TTLL6: variants seen among roughly 807,000 people sequenced by gnomAD.
TTLL6 encodes the protein tubulin tyrosine ligase like 6, also known as tubulin polyglutamylase TTLL6.
Under a neutral mutation model 96.4 loss-of-function variants are expected in TTLL6, and 75 were observed. That is an observed-to-expected ratio of 0.78 (90% CI 0.65 to 0.94). The LOEUF is 0.94. TTLL6 is among the 40% of genes least tolerant of loss of function. The pLI is 0.00. For missense variants in TTLL6, 1,030 were observed against 1,093.0 expected (o/e 0.94, Z 0.81); for synonymous variants, 411 against 419.4 (o/e 0.98, Z 0.24).
In TTLL6 at chr17:48,817,022, A is replaced by C. The variant is rs373975003; in HGVS notation, c.51T>G (p.Val17=). Residue 17 remains valine, a synonymous_variant, in exon 1 of 16, where the codon GTT becomes GTG. Transcript: ENST00000393382. ...CCGCTGGGCTGCTAGTCCAGCTTGC[A>C]ACCACACCTGCCGGCCCCCTCCTCG... is the stretch of plus-strand genomic sequence containing the variant. ...HPSRRGPAGV[V]ASWTSSPAGR... 8.2e-5 allele frequency: 127 copies of C among 1,544,234 alleles called. No individual in the cohort carries two copies. In the African/African-American group the frequency reaches 1.3e-3, roughly 16 times the overall value.
At chr17:48,791,324 G>T in intron 9 of TTLL6, 54 bp downstream of exon 9, 4 of 1,499,064 alleles carry the variant, frequency 2.7e-6, no homozygotes, top group South Asian at 1.2e-5. Flanking sequence ...TCCTTGAAGC[G>T]GGCTGGCCCC....
At chr17:48,771,013 C>T (rs926235584) in intron 13 of TTLL6, among the ~76,000 whole-genome samples, 4 of 152,168 alleles carry the variant, frequency 2.6e-5, no homozygotes, top group Non-Finnish European at 5.9e-5. Context: ...AGATCTGCAG[C>T]TTTGCAGCTT....
At chr17:48,785,712 A>G (rs763935533) in intron 12 of TTLL6, among the ~76,000 whole-genome samples, 1 of 152,090 alleles carries the variant, frequency 6.6e-6, no homozygotes, top group Non-Finnish European at 1.5e-5. Flanking sequence ...CCCAGCCATG[A>G]CCGACATCCC....
chr17:48,801,770 G>C (rs2039419853), intron 3 of TTLL6, 127 bp from the exon 4 acceptor site: 2 of 680,920 alleles, frequency 2.9e-6, no homozygotes, highest in Non-Finnish European at 5.0e-6. Flanking sequence ...GAGACTGGAA[G>C]CCATCTTGCC....
At chr17:48,801,229 G>C (rs1176610828) in intron 5 of TTLL6, 26 bp downstream of exon 5, 1 of 1,544,810 alleles carries the variant, frequency 6.5e-7, no homozygotes, top group Non-Finnish European at 8.8e-7. Context: ...GAGTGGAGAA[G>C]GAAGTACAGG....
chr17:48,794,920 C>T (rs1244118396), intron 8 of TTLL6, among the ~76,000 whole-genome samples: 1 of 152,182 alleles, frequency 6.6e-6, no homozygotes, highest in African/African-American at 2.4e-5. Flanking sequence ...GGGCAACTCA[C>T]GCAACCTCTG....
In TTLL6 at chr17:48,769,337, G is replaced by A. The variant is rs960129071; in HGVS notation, c.2411-83C>T. ...CCTGGTGAAGACCACCTCCCAGTAG[G>A]GTCCCATGGCCTGTAACTGCCATTC... On this transcript the variant is annotated intron_variant, in intron 14 of 15. Coordinates refer to ENST00000393382, the MANE Select transcript of TTLL6 (RefSeq NM_001130918.3). 5 of 1,476,578 alleles carry A rather than the reference G, an allele frequency of 3.4e-6. No homozygotes were observed. The Admixed American group carries it at 1.1e-4, about 33-fold the overall frequency. 91.5% of individuals were successfully genotyped at this position (1,476,578 alleles called of 1,614,324 possible).
Position 48,799,673 on chromosome 17 carries a change from T to C in TTLL6, c.699A>G (p.Ile233Met), listed in dbSNP as rs1377690530. 6.4e-7 allele frequency: 1 copy of C among 1,551,898 alleles called. No homozygotes were observed. Among genetic ancestry groups the C allele is most frequent in the Non-Finnish European group, 8.7e-7 (1 of 1,147,018 alleles). Residue 233 changes from isoleucine to methionine, a missense_variant, in exon 6 of 16, where the codon ATA (isoleucine) becomes ATG (methionine). Ile to Met is a conservative substitution (Grantham distance 10). Transcript: ENST00000393382. Reference protein sequence around the residue: ...KPDSGCQGKGIFITRTVKEIK... With the variant: ...KPDSGCQGKGMFITRTVKEIK... Reference sequence around the variant, plus strand: ...TTTCTTTCACTGTCCGGGTGATGAATATACCTTTCCCTTGGCAGCCCGAAT... The same window carrying C: ...TTTCTTTCACTGTCCGGGTGATGAACATACCTTTCCCTTGGCAGCCCGAAT...
At chr17:48,779,353 C>CAA (rs35763170) in intron 13 of TTLL6, among the ~76,000 whole-genome samples, 15,287 of 45,690 alleles carry the variant, frequency 0.33, 3,266 homozygotes, top group Admixed American at 0.37. Context: ...GACTCTGTCT[C>CAA]AAAAAAAAAA....
chr17:48,791,378 C>A lies in TTLL6; in HGVS notation c.1224G>T (p.Glu408Asp). The change falls in exon 9 of 16, where the codon GAG becomes GAT. Residue 408 changes from glutamate to aspartate, a missense_variant and splice_region_variant. Glu to Asp is a conservative substitution (Grantham distance 45). Coordinates refer to ENST00000393382, the MANE Select transcript of TTLL6 (RefSeq NM_001130918.3). Reference sequence around the variant, plus strand: ...TCGCCCCTCGCCCAAACTTCCCTACCTCCAGCAGCCAGGGTTTGAGTTTGT... The same window carrying A: ...TCGCCCCTCGCCCAAACTTCCCTACATCCAGCAGCCAGGGTTTGAGTTTGT... ...LDHKLKPWLL[E>D]VNHSPSFSTD... The A allele has an allele frequency of 6.2e-7, 1 of 1,613,894 alleles. No homozygotes were observed. The highest frequency in any genetic ancestry group is 8.5e-7 in the Non-Finnish European group (1 of 1,179,908).
chr17:48,801,222 T>G (rs1597995130), intron 5 of TTLL6, 33 bp downstream of exon 5: 5 of 1,522,424 alleles, frequency 3.3e-6, no homozygotes, highest in South Asian at 1.2e-5. Context: ...GGGAGGGGAG[T>G]GGAGAAGGAA....
At position 48,769,840 on chromosome 17, in the gene TTLL6, G is replaced by A. The variant is rs751610082; in HGVS notation, c.2298C>T (p.Asp766=). 1 of 1,614,122 alleles carries A rather than the reference G, an allele frequency of 6.2e-7. No individual in the cohort carries two copies. Residue 766 remains aspartate, a synonymous_variant, in exon 14 of 16, where the codon GAC becomes GAT. Transcript: ENST00000393382. The part of the protein sequence containing the change: ...PNTNWTLLKS[D]MNKPHLISEL... ...CGGATATCAAATGTGGCTTGTTCAT[G>A]TCACTCTTTAGCAAAGTCCAGTTTG... is the stretch of plus-strand genomic sequence containing the variant.
chr17:48,788,296 G>T (rs2039147154), intron 10 of TTLL6, among the ~76,000 whole-genome samples: 1 of 152,158 alleles, frequency 6.6e-6, no homozygotes, highest in Non-Finnish European at 1.5e-5. Flanking sequence ...CTCTGACTAG[G>T]CAGACTGTCG....
chr17:48,767,515 T>G (rs1247918793), intron 15 of TTLL6, among the ~76,000 whole-genome samples: 2 of 152,146 alleles, frequency 1.3e-5, no homozygotes, highest in East Asian at 3.9e-4. Context: ...GAACCCAAGG[T>G]GATCTCTATG....
At chr17:48,810,363 G>A (rs1459238651) in intron 1 of TTLL6, among the ~76,000 whole-genome samples, 1 of 151,976 alleles carries the variant, frequency 6.6e-6, no homozygotes, top group Non-Finnish European at 1.5e-5. Flanking sequence ...GATGGCAAAT[G>A]GTACTTGCCA....
At chr17:48,810,506 C>G (rs924037938) in intron 1 of TTLL6, among the ~76,000 whole-genome samples, 12 of 152,088 alleles carry the variant, frequency 7.9e-5, no homozygotes, top group African/African-American at 2.2e-4. Context: ...AGTTTGCCTA[C>G]TGGGGACAGG....
chr17:48,799,017 C>T (rs1258703598), intron 6 of TTLL6, among the ~76,000 whole-genome samples: 5 of 151,968 alleles, frequency 3.3e-5, no homozygotes, highest in Non-Finnish European at 4.4e-5. Context: ...GAAAGGGTTT[C>T]GTCATGTTTC....
At chr17:48,797,013 TAA>T in intron 7 of TTLL6, 46 bp downstream of exon 7, 1 of 1,463,374 alleles carries the variant, frequency 6.8e-7, no homozygotes, top group Non-Finnish European at 9.1e-7. Context: ...TTTTTTTTTT[TAA>T]TCACGCTATG....
chr17:48,769,845 T>C lies in TTLL6; in HGVS notation c.2293A>G (p.Ser765Gly), dbSNP rs755959809. 3.1e-6 allele frequency: 5 copies of C among 1,614,260 alleles called. No individual in the cohort carries two copies. The African/African-American group carries it at 4.0e-5, about 13-fold the overall frequency. Reference protein sequence around the residue: ...SPNTNWTLLKSDMNKPHLISE... With the variant: ...SPNTNWTLLKGDMNKPHLISE... ...ATCAAATGTGGCTTGTTCATGTCACTCTTTAGCAAAGTCCAGTTTGTGTTC... is the reference window on the plus strand; with the variant it reads ...ATCAAATGTGGCTTGTTCATGTCACCCTTTAGCAAAGTCCAGTTTGTGTTC... Residue 765 changes from serine (S) to glycine (G), a missense_variant, in exon 14 of 16, where the codon AGT (serine) becomes GGT (glycine). Ser to Gly is a moderately conservative substitution (Grantham distance 56). Transcript: ENST00000393382.
Sources: gnomAD v4.1 joint callset for allele counts (sites outside exome capture counted in the v4.1 genomes callset) on GRCh38, gnomAD v4.1.1 for gene constraint, MANE v1.5 for transcripts, NCBI Gene and HGNC (gene_info 2026-07-23, HGNC 2026-07-21) for gene names.